Variants in DOCK1 observed in about 807,000 individuals in gnomAD.
DOCK1 encodes the protein dedicator of cytokinesis 1, also known as dedicator of cytokinesis protein 1.
A neutral mutation model predicts 262.7 loss-of-function variants in DOCK1; 138 were observed. The observed-to-expected ratio is 0.53, with a 90% CI of 0.46 to 0.61. The LOEUF (loss-of-function observed/expected upper bound fraction) is 0.61. DOCK1 is among the 20% of genes least tolerant of loss of function. The pLI is 0.00. For synonymous variants in DOCK1, 866 were observed against 867.4 expected, an observed-to-expected ratio of 1.00 and a Z score of 0.03; for missense variants, 1,908 against 2,370.7, an observed-to-expected ratio of 0.80 and a Z score of 4.05.
chr10:127,203,725 G>A (rs1312814893), intron 27 of DOCK1, among the ~76,000 whole-genome samples: 1 of 151,686 alleles, frequency 6.6e-6, no homozygotes, highest in Non-Finnish European at 1.5e-5. Context: ...CGGTAGGGCT[G>A]CGGATCTCCC....
chr10:127,299,784 C>A (rs754845422), intron 29 of DOCK1, among the ~76,000 whole-genome samples: 7 of 152,148 alleles, frequency 4.6e-5, no homozygotes, highest in Non-Finnish European at 8.8e-5. Flanking sequence ...TTGGAGCTAG[C>A]CAGGGTATGA....
intron 27 of DOCK1, among the ~76,000 whole-genome samples, chr10:127,219,666 C>T (rs1172972349): frequency 2.6e-5 from 4 of 152,168 alleles, no homozygotes; most frequent in Non-Finnish European, 5.9e-5. Context: ...CCTGTAGAAC[C>T]ACCATTCTAC....
At position 127,253,874 on chromosome 10, in the gene DOCK1, C is replaced by CAAAA. The variant is rs575042004; in HGVS notation, c.2950-3445_2950-3442dup. Among the ~76,000 whole-genome samples the CAAAA allele has an allele frequency of 2.7e-4, 27 of 101,476 alleles. 2 individuals carry two copies. The highest frequency in any genetic ancestry group is 4.6e-4 in the Non-Finnish European group (24 of 52,370). 66.6% of individuals were successfully genotyped at this position (101,476 alleles called of 152,430 possible). The stretch of plus-strand genomic sequence containing the variant: ...TGGGTGATAGCATGAGACCCTGTCT[C>CAAAA]AAAAAAAAAAAAAAAAAAAGGAAAC... On this transcript the variant is annotated intron_variant, in intron 28 of 51. Coordinates refer to ENST00000623213, the MANE Select transcript of DOCK1 (RefSeq NM_001290223.2).
At chr10:127,119,189 G>A (rs1397525332) in intron 25 of DOCK1, among the ~76,000 whole-genome samples, 3 of 152,044 alleles carry the variant, frequency 2.0e-5, no homozygotes, top group East Asian at 1.9e-4. Flanking sequence ...GACTACAGGC[G>A]CCTGCCACCG....
chr10:127,239,476 T>A (rs185391335), intron 27 of DOCK1, among the ~76,000 whole-genome samples: 1 of 152,192 alleles, frequency 6.6e-6, no homozygotes, highest in African/African-American at 2.4e-5. Context: ...CCTTAATACA[T>A]CATCCAACCA....
In DOCK1 at chr10:127,343,750, A is replaced by T. The variant is rs1170622450; in HGVS notation, c.3224+4A>T. 5 of 1,599,016 alleles carry T rather than the reference A, an allele frequency of 3.1e-6. No homozygotes were observed. The Admixed American group carries it at 8.6e-5, about 28-fold the overall frequency. ...AGAGAGCCAAAATCCTTAACAAGTA[A>T]GTTCTCATCTAGCTCTGAAACTGCA... On this transcript the variant is annotated splice_donor_region_variant and intron_variant, in intron 31 of 51. Transcript: ENST00000623213.
At chr10:127,342,656 CTT>C in intron 30 of DOCK1, among the ~76,000 whole-genome samples, 1 of 152,154 alleles carries the variant, frequency 6.6e-6, no homozygotes, top group Non-Finnish European at 1.5e-5. Context: ...AATGTTCACA[CTT>C]TATTTTTATA....
chr10:127,189,894 CAG>C (rs149735521), intron 27 of DOCK1, among the ~76,000 whole-genome samples: 22,751 of 152,038 alleles, frequency 0.15, 2,040 homozygotes, highest in African/African-American at 0.25. Flanking sequence ...GGGTCTGGCA[CAG>C]AGATCAATGG....
intron 23 of DOCK1, among the ~76,000 whole-genome samples, chr10:127,097,629 G>A (rs1419359467): frequency 2.6e-5 from 4 of 152,258 alleles, no homozygotes; most frequent in African/African-American, 9.6e-5. Context: ...GAATCAGACC[G>A]TCCCCCCACT....
chr10:126,989,918 C>G (rs1366053396), intron 5 of DOCK1, among the ~76,000 whole-genome samples: 1 of 152,140 alleles, frequency 6.6e-6, no homozygotes, highest in Admixed American at 6.5e-5. Context: ...TTGTACACAC[C>G]ACAGTGTGCA....
chr10:127,179,007 A>G (rs977719175), intron 27 of DOCK1, among the ~76,000 whole-genome samples: 3 of 152,178 alleles, frequency 2.0e-5, no homozygotes, highest in Non-Finnish European at 4.4e-5. Flanking sequence ...GTCAGAATGT[A>G]TTGTGCCATC....
intron 3 of DOCK1, among the ~76,000 whole-genome samples, chr10:126,980,971 G>A (rs1424990745): frequency 4.1e-5 from 6 of 147,682 alleles, no homozygotes; most frequent in African/African-American, 1.3e-4. Flanking sequence ...TTCCTGAGGC[G>A]GAGTCTCGCT....
chr10:127,405,736 C>T (rs1247531587), intron 40 of DOCK1, among the ~76,000 whole-genome samples: 1 of 152,160 alleles, frequency 6.6e-6, no homozygotes, highest in Non-Finnish European at 1.5e-5. Flanking sequence ...TTCTGGCCTG[C>T]TCTAGGAGGT....
rs761625268 is a variant in DOCK1 at position 127,248,140 on chromosome 10, C to T, written c.2949+31C>T. 3.8e-6 allele frequency: 6 copies of T among 1,592,672 alleles called. No individual in the cohort carries two copies. In the South Asian group the frequency reaches 5.6e-5, roughly 15 times the overall value. On this transcript the variant is annotated intron_variant, in intron 28 of 51. Coordinates refer to ENST00000623213, the MANE Select transcript of DOCK1 (RefSeq NM_001290223.2). ...TGTCCCTTTCACCCTGTTCACATAA[C>T]CATGTTTTAGGGCCAGCACTTTAGA...
intron 11 of DOCK1, among the ~76,000 whole-genome samples, chr10:127,010,185 A>G (rs1007236681): frequency 4.6e-5 from 7 of 152,262 alleles, no homozygotes; most frequent in African/African-American, 1.7e-4. Context: ...ACTTAAAATG[A>G]GCTGGGCGCA....
chr10:126,946,696 C>A (rs1031527516), intron 1 of DOCK1, among the ~76,000 whole-genome samples: 2 of 152,190 alleles, frequency 1.3e-5, no homozygotes, highest in Non-Finnish European at 2.9e-5. Context: ...TGGCTAATTT[C>A]GCAGAGCACA....
chr10:127,141,720 T>C (rs1035890409), intron 27 of DOCK1, among the ~76,000 whole-genome samples: 1 of 151,942 alleles, frequency 6.6e-6, no homozygotes, highest in African/African-American at 2.4e-5. Flanking sequence ...TTAGTCCCAG[T>C]TGCCCTGGAC....
intron 9 of DOCK1, among the ~76,000 whole-genome samples, chr10:126,999,929 C>T (rs1294905954): frequency 6.6e-6 from 1 of 152,210 alleles, no homozygotes; most frequent in East Asian, 1.9e-4. Flanking sequence ...CCCTCCTCGG[C>T]CTTCCAAAGT....
intron 38 of DOCK1, among the ~76,000 whole-genome samples, chr10:127,396,521 G>T (rs1236390027): frequency 6.6e-6 from 1 of 152,106 alleles, no homozygotes; most frequent in East Asian, 1.9e-4. Flanking sequence ...GTAAAGGATG[G>T]TCTGCACTTG....
Sources: gnomAD v4.1 joint callset for allele counts (sites outside exome capture counted in the v4.1 genomes callset) on GRCh38, gnomAD v4.1.1 for gene constraint, MANE v1.5 for transcripts, NCBI Gene and HGNC (gene_info 2026-07-23, HGNC 2026-07-21) for gene names.